RMDN2: variants seen among roughly 807,000 people sequenced by gnomAD.
The protein encoded by RMDN2 is regulator of microtubule dynamics protein 2.
In RMDN2, 61 loss-of-function variants were observed where a neutral mutation model predicts 52.8. The ratio of observed to expected loss-of-function variants is 1.16; its 90% CI spans 0.94 to 1.43. The LOEUF (loss-of-function observed/expected upper bound fraction) is 1.43, where lower values mean the gene tolerates loss of function less well. Ranked by LOEUF, RMDN2 falls within the 40% of genes most tolerant of loss-of-function variation. The pLI is 0.00. For missense variants in RMDN2, 592 were observed against 475.3 expected, an observed-to-expected ratio of 1.25 and a Z score of -2.28; for synonymous variants, 180 against 153.1, an observed-to-expected ratio of 1.18 and a Z score of -1.30.
At chr2:37,925,843 G>T (rs373411630) in intron 1 of RMDN2, among the ~76,000 whole-genome samples, 108 of 152,148 alleles carry the variant, frequency 7.1e-4, no homozygotes, top group African/African-American at 2.5e-3. Context: ...TTTGTGTGGG[G>T]TTTTTTTTGC....
intron 5 of RMDN2, among the ~76,000 whole-genome samples, chr2:37,985,378 T>TTTATTTATTTA (rs58839115): frequency 4.7e-4 from 71 of 151,614 alleles, no homozygotes; most frequent in African/African-American, 1.3e-3. Flanking sequence ...ATGATCTGTT[T>TTTATTTATTTA]TTTATTTATT....
intron 10 of RMDN2, among the ~76,000 whole-genome samples, chr2:38,010,574 G>T (rs1185389780): frequency 6.6e-6 from 1 of 152,156 alleles, no homozygotes; most frequent in Non-Finnish European, 1.5e-5. Flanking sequence ...GCAGTATTAG[G>T]GTGGGAGTGA....
At chr2:38,021,697 C>T (rs1054539189), downstream of RMDN2, among the ~76,000 whole-genome samples, 5 of 152,218 alleles carry the variant, frequency 3.3e-5, no homozygotes, top group African/African-American at 7.2e-5. Flanking sequence ...GTGCAACGTA[C>T]ATCCCTCACA....
intron 2 of RMDN2, chr2:37,963,037 C>T (rs964862925): frequency 5.9e-5 from 9 of 153,076 alleles, no homozygotes; most frequent in African/African-American, 2.2e-4. Context: ...CACCCACTGT[C>T]TAACCAGTCC....
chr2:37,952,875 T>G (rs1669016983), intron 2 of RMDN2: 1 of 152,022 alleles, frequency 6.6e-6, no homozygotes, highest in South Asian at 2.1e-4. Context: ...AGTATGTATA[T>G]TAGTCTCCCA....
chr2:38,058,631 C>G (rs1157184), intron 10 of RMDN2, among the ~76,000 whole-genome samples: 55,755 of 152,068 alleles, frequency 0.37, 10,479 homozygotes, highest in South Asian at 0.5. Flanking sequence ...AACTTTTCCA[C>G]CAAAATATAA....
intron 2 of RMDN2, chr2:37,951,769 A>C: frequency 6.2e-7 from 1 of 1,613,358 alleles, no homozygotes; most frequent in East Asian, 2.2e-5. Flanking sequence ...TATAACACTA[A>C]AAATTTTAAG....
intron 10 of RMDN2, among the ~76,000 whole-genome samples, chr2:38,050,415 T>C (rs1331821052): frequency 6.6e-6 from 1 of 152,178 alleles, no homozygotes; most frequent in Non-Finnish European, 1.5e-5. Flanking sequence ...ATTTCTCTGA[T>C]TCTCCTTTTG....
At chr2:37,975,000 G>GA in intron 3 of RMDN2, 1 of 521,642 alleles carries the variant, frequency 1.9e-6, no homozygotes, top group Non-Finnish European at 3.4e-6. Flanking sequence ...TTGGTTTTAA[G>GA]ATCCAAATGT....
intron 2 of RMDN2, among the ~76,000 whole-genome samples, chr2:37,970,301 A>G (rs192710161): frequency 6.6e-6 from 1 of 152,238 alleles, no homozygotes; most frequent in East Asian, 1.9e-4. Context: ...TTTTTTTGGT[A>G]ATGACTGAAT....
rs778257695 is a variant in RMDN2, at chr2:38,004,160, C to A, written c.1123C>A (p.Gln375Lys). The A allele has an allele frequency of 3.1e-6, 5 of 1,613,678 alleles. No individual in the cohort carries two copies. Among genetic ancestry groups the A allele is most frequent in the South Asian group, 1.1e-5 (1 of 91,066 alleles). Residue 375 changes from glutamine (Q) to lysine (K), a missense_variant, in exon 10 of 11, where the codon CAG (glutamine) becomes AAG (lysine). By Grantham distance (53) the Gln-to-Lys change is moderately conservative. Coordinates refer to ENST00000354545, the MANE Select transcript of RMDN2 (RefSeq NM_001170791.3). Reference protein sequence around the residue: ...AKCYTDLEENQNALKFCNLAL... With the variant: ...AKCYTDLEENKNALKFCNLAL... ...GTGTTATACTGATCTTGAGGAAAAC[C>A]AGAATGCTTTGAAGTTCTGTAATTT...
chr2:37,953,060 A>G (rs1669040796), intron 2 of RMDN2: 2 of 152,102 alleles, frequency 1.3e-5, no homozygotes, highest in East Asian at 3.9e-4. Context: ...ATTATTTCTA[A>G]TTATCCTAAT....
chr2:37,993,934 A>G (rs186882322), intron 7 of RMDN2, among the ~76,000 whole-genome samples: 108 of 152,306 alleles, frequency 7.1e-4, no homozygotes, highest in African/African-American at 2.6e-3. Context: ...TTCAATGTAC[A>G]TTACCTGTCT....
Position 37,929,641 on chromosome 2 carries a change from C to T in RMDN2, c.364C>T (p.Pro122Ser). Residue 122 changes from proline to serine, a missense_variant, in exon 2 of 11, where the codon CCT becomes TCT. Pro to Ser is a moderately conservative substitution (Grantham distance 74, BLOSUM62 -1). Transcript: ENST00000354545. ...GGKITVHKISPQHRARKRRLP... is the reference protein window; with the variant it reads ...GGKITVHKISSQHRARKRRLP... ...GAAAATAACTGTTCATAAGATAAGC[C>T]CTCAGCACAGAGCGAGAAAAAGAAG... is the stretch of plus-strand genomic sequence containing the variant. 1.3e-6 allele frequency: 2 copies of T among 1,550,382 alleles called. No individual in the cohort carries two copies. Among genetic ancestry groups the T allele is most frequent in the Non-Finnish European group, 1.7e-6 (2 of 1,146,692 alleles).
At chr2:37,931,283 A>T (rs2089171511) in intron 2 of RMDN2, among the ~76,000 whole-genome samples, 1 of 152,226 alleles carries the variant, frequency 6.6e-6, no homozygotes, top group African/African-American at 2.4e-5. Flanking sequence ...GTAGTTATTT[A>T]TTATGGATGT....
chr2:38,006,657 C>T (rs1170043857), intron 10 of RMDN2, among the ~76,000 whole-genome samples: 2 of 152,152 alleles, frequency 1.3e-5, no homozygotes, highest in East Asian at 1.9e-4. Flanking sequence ...CAAACAGGGA[C>T]AATTTGACTT....
downstream of RMDN2, among the ~76,000 whole-genome samples, chr2:38,020,616 G>A (rs1228225749): frequency 1.3e-5 from 2 of 152,202 alleles, no homozygotes; most frequent in South Asian, 2.1e-4. Context: ...GCGGCCAGCC[G>A]GCCCTGCCGG....
chr2:37,972,591 G>C (rs1361333571), intron 2 of RMDN2, among the ~76,000 whole-genome samples: 1 of 152,136 alleles, frequency 6.6e-6, no homozygotes, highest in Non-Finnish European at 1.5e-5. Flanking sequence ...AAGGAGTGAC[G>C]TGATCTGAGT....
Position 37,991,164 on chromosome 2 carries a change from C to G in RMDN2, c.868-56C>G, listed in dbSNP as rs180698565. ...TGAGTTACTAGGCTTTGGTGTAGTT[C>G]CAGTCAACAATATCTGAAACTTGGG... is the stretch of plus-strand genomic sequence containing the variant. On this transcript the variant is annotated intron_variant, in intron 6 of 10. Transcript: ENST00000354545. 8.3e-6 allele frequency: 8 copies of G among 962,744 alleles called. No homozygotes were observed. In the East Asian group the frequency reaches 2.0e-4, roughly 24 times the overall value. 59.6% of individuals were successfully genotyped at this position (962,744 alleles called of 1,614,324 possible).
Sources: allele counts gnomAD v4.1 joint callset (sites outside exome capture counted in the v4.1 genomes callset), GRCh38; gene constraint gnomAD v4.1.1; transcripts MANE v1.5; gene names NCBI Gene and HGNC (gene_info 2026-07-23, HGNC 2026-07-21).